PDHX: variants seen among roughly 807,000 people sequenced by gnomAD.
PDHX encodes the protein pyruvate dehydrogenase complex component X.
A neutral mutation model predicts 55.3 loss-of-function variants in PDHX; 33 were observed. The observed-to-expected ratio is 0.60, with a 90% CI of 0.45 to 0.80. The LOEUF (loss-of-function observed/expected upper bound fraction) is 0.80, where lower values mean the gene tolerates loss of function less well. Among genes scored for constraint, PDHX ranks in the 30% least tolerant of loss-of-function variants. The pLI, the probability that PDHX is intolerant of heterozygous loss-of-function variation, is 0.00. For synonymous variants in PDHX, 226 were observed against 219.4 expected, an observed-to-expected ratio of 1.03 and a Z score of -0.27; for missense variants, 622 against 619.9, an observed-to-expected ratio of 1.00 and a Z score of -0.04.
At chr11:34,942,391 A>G (rs1203157223) in intron 2 of PDHX, among the ~76,000 whole-genome samples, 2 of 152,212 alleles carry the variant, frequency 1.3e-5, no homozygotes, top group Non-Finnish European at 2.9e-5. Context: ...GTGAAGCATT[A>G]ACACTTCCAG....
At chr11:34,963,079 T>C (rs1855055317) in intron 5 of PDHX, among the ~76,000 whole-genome samples, 1 of 152,080 alleles carries the variant, frequency 6.6e-6, no homozygotes, top group South Asian at 2.1e-4. Flanking sequence ...GAAAAATGGA[T>C]CCTGAAAGCA....
intron 1 of PDHX, among the ~76,000 whole-genome samples, chr11:34,930,580 G>A (rs1031418701): frequency 6.6e-6 from 1 of 152,160 alleles, no homozygotes; most frequent in Admixed American, 6.5e-5. Flanking sequence ...GGGGATGGAC[G>A]TATTTGTTAC....
chr11:34,916,222 C>G (rs1261585105), upstream of PDHX: 1 of 1,610,486 alleles, frequency 6.2e-7, no homozygotes, highest in African/African-American at 1.3e-5. Flanking sequence ...GTGGCCCCGC[C>G]CCTACCTGCG....
At chr11:34,945,863 G>A (rs562946547) in intron 2 of PDHX, among the ~76,000 whole-genome samples, 23 of 152,146 alleles carry the variant, frequency 1.5e-4, no homozygotes, top group Admixed American at 9.8e-4. Flanking sequence ...ACACAGATCC[G>A]TATGCCCCCT....
intron 2 of PDHX, among the ~76,000 whole-genome samples, chr11:34,940,224 TGTACGTAG>T (rs1457715702): frequency 4.6e-5 from 7 of 152,236 alleles, no homozygotes; most frequent in Admixed American, 4.6e-4. Context: ...GTGCCTAGAA[TGTACGTAG>T]TAAGCATGCT....
chr11:34,963,355 T>C (rs142385106), intron 5 of PDHX, among the ~76,000 whole-genome samples: 1 of 152,186 alleles, frequency 6.6e-6, no homozygotes, highest in African/African-American at 2.4e-5. Context: ...CATAGCTCAC[T>C]GCAGCTTTGA....
At chr11:34,952,138 C>T (rs1198661838) in intron 3 of PDHX, among the ~76,000 whole-genome samples, 2 of 149,656 alleles carry the variant, frequency 1.3e-5, no homozygotes, top group East Asian at 3.9e-4. Flanking sequence ...CAAGGCTAAA[C>T]CAGGAAGAAG....
Position 34,995,081 on chromosome 11 carries a change from C to A in PDHX, c.1415C>A (p.Ser472Ter). The A allele has an allele frequency of 6.2e-7, 1 of 1,613,958 alleles. No homozygotes were observed. The highest frequency in any genetic ancestry group is 8.5e-7 in the Non-Finnish European group (1 of 1,179,878). ...QQRQLITVTMSSDSRVVDDEL... is the reference protein window; with the variant it reads ...QQRQLITVTM ...CGCCAGCTCATAACAGTCACAATGT[C>A]AAGTGACAGTCGAGTGGTTGATGAC... Residue 472 changes from serine (S) to a stop codon, truncating the protein, a stop_gained, in exon 11 of 11, where the codon TCA (serine) becomes TAA (stop). Coordinates refer to ENST00000227868, the MANE Select transcript of PDHX (RefSeq NM_003477.3). LOFTEE classifies it high-confidence loss of function.
chr11:34,964,607 TA>T (rs1263598955), intron 5 of PDHX, among the ~76,000 whole-genome samples: 4 of 148,166 alleles, frequency 2.7e-5, no homozygotes, highest in Admixed American at 6.7e-5. Context: ...CTTTAAAAAA[TA>T]AAAAAAAAAT....
At chr11:34,952,341 G>A (rs1854794471) in intron 3 of PDHX, among the ~76,000 whole-genome samples, 1 of 152,072 alleles carries the variant, frequency 6.6e-6, no homozygotes, top group African/African-American at 2.4e-5. Flanking sequence ...CTCATTTTAT[G>A]AGGCCAGCAT....
At chr11:34,965,500 A>C (rs57866077) in intron 5 of PDHX, among the ~76,000 whole-genome samples, 2,646 of 152,284 alleles carry the variant, frequency 0.017, 71 homozygotes, top group African/African-American at 0.061. Context: ...GGTTAACTCA[A>C]ATGCAACTGA....
intron 8 of PDHX, among the ~76,000 whole-genome samples, chr11:34,982,827 C>T (rs551083147): frequency 7.9e-5 from 12 of 152,220 alleles, no homozygotes; most frequent in East Asian, 1.9e-4. Flanking sequence ...GATTCACAGC[C>T]GAATTCTACC....
intron 4 of PDHX, among the ~76,000 whole-genome samples, chr11:34,958,974 T>C (rs981590340): frequency 6.6e-6 from 1 of 152,090 alleles, no homozygotes; most frequent in Non-Finnish European, 1.5e-5. Flanking sequence ...TTTAGTAACA[T>C]TGGGCCCATA....
chr11:34,995,545 T>A lies in PDHX; in HGVS notation c.*373T>A. On this transcript the variant is annotated 3_prime_UTR_variant, in exon 11 of 11. Coordinates refer to ENST00000227868, the MANE Select transcript of PDHX (RefSeq NM_003477.3). The stretch of plus-strand genomic sequence containing the variant: ...GTAAAATTAAAAAAACTATTAGAAC[T>A]GTACCATAATTATGTTGAAGGTAGA... The A allele has an allele frequency of 3.4e-6, 1 of 290,544 alleles. No individual in the cohort carries two copies. The highest frequency in any genetic ancestry group is 6.7e-6 in the Non-Finnish European group (1 of 149,682). The allele number at this position is 290,544 out of a possible 1,614,324, so 18.0% of individuals were successfully genotyped here. A position where few individuals can be genotyped will look rare whatever the true frequency, so the allele number is the denominator to read the frequency against.
At chr11:34,984,500 T>C in intron 8 of PDHX, 70 bp from the exon 9 acceptor site, 1 of 1,355,404 alleles carries the variant, frequency 7.4e-7, no homozygotes, top group South Asian at 1.2e-5. Context: ...TGCACAATGA[T>C]TTTATTTTTC....
intron 7 of PDHX, among the ~76,000 whole-genome samples, chr11:34,976,296 C>T (rs935515465): frequency 5.3e-5 from 8 of 152,166 alleles, no homozygotes; most frequent in African/African-American, 1.9e-4. Flanking sequence ...TCTGTCTTGA[C>T]AATGTGTAAA....
intron 4 of PDHX, among the ~76,000 whole-genome samples, chr11:34,959,228 C>A (rs1854968144): frequency 1.3e-5 from 2 of 151,876 alleles, no homozygotes; most frequent in African/African-American, 4.8e-5. Context: ...TCAACCTCAG[C>A]AAAACAACCC....
At chr11:34,958,078 C>A (rs1158376082) in intron 4 of PDHX, among the ~76,000 whole-genome samples, 2 of 152,162 alleles carry the variant, frequency 1.3e-5, no homozygotes, top group African/African-American at 4.8e-5. Flanking sequence ...TGTAACAAAA[C>A]AGATAACTTA....
rs113309941 is a variant in PDHX at position 34,966,740 on chromosome 11, C to T, written c.742C>T (p.Gln248Ter). ...TATPTAPSPL[Q>*]ATAGPSYPRP... ...CACTCCCACAGCACCTTCGCCCCTACAGGCCACAGCTGGACCATCTTATCC... is the reference window on the plus strand; with the variant it reads ...CACTCCCACAGCACCTTCGCCCCTATAGGCCACAGCTGGACCATCTTATCC... The change falls in exon 6 of 11, where the codon CAG (glutamine) becomes TAG (stop). Residue 248 changes from glutamine to a stop codon, truncating the protein, a stop_gained. Transcript: ENST00000227868. LOFTEE classifies it high-confidence loss of function. 1.5e-5 allele frequency: 24 copies of T among 1,614,192 alleles called. No homozygotes were observed. Among genetic ancestry groups the T allele is most frequent in the Non-Finnish European group, 1.9e-5 (22 of 1,180,006 alleles).
Sources: allele counts gnomAD v4.1 joint callset (sites outside exome capture counted in the v4.1 genomes callset), GRCh38; gene constraint gnomAD v4.1.1; transcripts MANE v1.5; gene names NCBI Gene and HGNC (gene_info 2026-07-23, HGNC 2026-07-21).